Variants in PTGR3 observed in about 807,000 individuals in gnomAD.
The protein encoded by PTGR3 is zinc binding alcohol dehydrogenase domain containing 2.
chr18:75,208,499 G>A, the PTGR3 span: 1 of 1,044,962 alleles, frequency 9.6e-7, no homozygotes, highest in Non-Finnish European at 1.2e-6. Context: ...GGGTGCGCGC[G>A]GGCGGCCCGG....
chr18:75,208,772 GGGACTGCGGGAGCGGCGCGGCGC>G, the PTGR3 span: 1 of 1,271,270 alleles, frequency 7.9e-7, no homozygotes, highest in Non-Finnish European at 1.0e-6. Context: ...GGGCGGGCTG[GGGACTGCGGGAGCGGCGCGGCGC>G]GGCGCGAGCC....
At chr18:75,202,578 A>G in the PTGR3 span, among the ~76,000 whole-genome samples, 3 of 152,072 alleles carry the variant, frequency 2.0e-5, no homozygotes, top group Admixed American at 6.6e-5. Flanking sequence ...CAGTTTAGAA[A>G]TAATTTCATA....
chr18:75,208,452 C>T, the PTGR3 span: 1 of 1,004,128 alleles, frequency 1.0e-6, no homozygotes, highest in Non-Finnish European at 1.2e-6. Context: ...AGGCTGCTCC[C>T]GCTCCACCCT....
chr18:75,196,813 A>C, the PTGR3 span: 2 of 152,120 alleles, frequency 1.3e-5, no homozygotes, highest in South Asian at 4.1e-4. Context: ...ACCAATGGGC[A>C]GGTCTATAAT....
At chr18:75,201,525 C>G in the PTGR3 span, 2 of 1,614,066 alleles carry the variant, frequency 1.2e-6, no homozygotes, top group Non-Finnish European at 1.7e-6. Flanking sequence ...GCCAGTAAAC[C>G]TGCCCTCTGG....
the PTGR3 span, chr18:75,208,808 G>C: frequency 6.1e-5 from 85 of 1,391,288 alleles, no homozygotes; most frequent in Non-Finnish European, 8.0e-5. Context: ...CGCGAGCCCG[G>C]GGCGAGAACG....
the PTGR3 span, chr18:75,201,901 C>T: frequency 6.2e-7 from 1 of 1,614,166 alleles, no homozygotes; most frequent in Non-Finnish European, 8.5e-7. Flanking sequence ...CGATCACAGC[C>T]AAGAGATTTC....
At chr18:75,208,707 G>A in the PTGR3 span, 4 of 933,444 alleles carry the variant, frequency 4.3e-6, no homozygotes, top group Non-Finnish European at 2.8e-6. Flanking sequence ...TCAACTTCCC[G>A]GGATCTCGCA....
the PTGR3 span, chr18:75,195,578 G>T: frequency 6.6e-6 from 1 of 152,138 alleles, no homozygotes; most frequent in Non-Finnish European, 1.5e-5. Flanking sequence ...CATAAAATGG[G>T]TAGAACTAGA....
the PTGR3 span, among the ~76,000 whole-genome samples, chr18:75,203,040 A>G: frequency 6.6e-6 from 1 of 152,224 alleles, no homozygotes; most frequent in East Asian, 1.9e-4. Flanking sequence ...AATTGGGTAG[A>G]GCGATTTTTA....
chr18:75,201,343 A>T, the PTGR3 span: 1 of 1,330,956 alleles, frequency 7.5e-7, no homozygotes. Flanking sequence ...ACTAAAAATA[A>T]ATTGATTTGA....
chr18:75,201,253 A>AGAGGAG, the PTGR3 span: 1 of 578,744 alleles, frequency 1.7e-6, no homozygotes, highest in Non-Finnish European at 2.9e-6. Context: ...CCCCAAGGGA[A>AGAGGAG]GAGGAGGAGG....
At chr18:75,201,726 T>C in the PTGR3 span, 5 of 1,614,208 alleles carry the variant, frequency 3.1e-6, no homozygotes, top group Non-Finnish European at 4.2e-6. Flanking sequence ...AGGAGTTTGG[T>C]AGCCAGAGAT....
chr18:75,196,636 A>C, the PTGR3 span: 7 of 142,274 alleles, frequency 4.9e-5, no homozygotes. Context: ...TTGTCCCAAA[A>C]AAAAAAAAAA....
the PTGR3 span, chr18:75,201,715 T>C: frequency 3.1e-6 from 5 of 1,614,204 alleles, no homozygotes; most frequent in Admixed American, 3.3e-5. Flanking sequence ...GAAAGGCCAG[T>C]AGGAGTTTGG....
the PTGR3 span, chr18:75,197,642 G>C: frequency 6.6e-6 from 1 of 152,126 alleles, no homozygotes; most frequent in Non-Finnish European, 1.5e-5. Flanking sequence ...TTTGACTTCT[G>C]AAATATGATC....
At chr18:75,201,539 C>G in the PTGR3 span, 7 of 1,614,018 alleles carry the variant, frequency 4.3e-6, no homozygotes, top group Non-Finnish European at 5.9e-6. Context: ...CCTCTGGAGA[C>G]AGATCTCCAA....
chr18:75,195,850 G>GCTGCAGTGAA, the PTGR3 span: 1 of 151,610 alleles, frequency 6.6e-6, no homozygotes, highest in African/African-American at 2.4e-5. Flanking sequence ...GGAGGTCAAG[G>GCTGCAGTGAA]CTGCAGTGAA....
chr18:75,206,258 C>T, the PTGR3 span, among the ~76,000 whole-genome samples: 1 of 152,170 alleles, frequency 6.6e-6, no homozygotes, highest in African/African-American at 2.4e-5. Context: ...CTTACAAGCA[C>T]ATCCCTCCCT....
Sources: allele counts gnomAD v4.1 joint callset (sites outside exome capture counted in the v4.1 genomes callset), GRCh38; gene constraint gnomAD v4.1.1; transcripts MANE v1.5; gene names NCBI Gene and HGNC (gene_info 2026-07-23, HGNC 2026-07-21).